The following KSR2 variants were observed in gnomAD, a reference collection of about 807,000 sequenced individuals.
KSR2 encodes the protein kinase suppressor of ras 2.
A neutral mutation model predicts 107.8 loss-of-function variants in KSR2; 25 were observed. The observed-to-expected ratio is 0.23, with a 90% CI of 0.17 to 0.32. The LOEUF is 0.32. Ranked by LOEUF, KSR2 falls within the 10% of genes least tolerant of loss-of-function variation. The pLI, the probability that KSR2 is intolerant of heterozygous loss-of-function variation, is 1.00. For synonymous variants in KSR2, 480 were observed against 507.0 expected (o/e 0.95, Z 0.71); for missense variants, 887 against 1,268.9 (o/e 0.70, Z 4.57).
intron 4 of KSR2, among the ~76,000 whole-genome samples, chr12:117,743,599 C>T (rs929043351): frequency 6.6e-6 from 1 of 152,206 alleles, no homozygotes; most frequent in African/African-American, 2.4e-5. Context: ...ACTATAACTG[C>T]TATAATGATC....
chr12:117,805,606 A>C (rs7301240), intron 3 of KSR2, among the ~76,000 whole-genome samples: 73,261 of 152,126 alleles, frequency 0.48, 18,000 homozygotes, highest in Admixed American at 0.57. Context: ...TTGCACCGTG[A>C]GGATTTGCTC....
chr12:117,868,903 A>G (rs1272878729), intron 1 of KSR2, among the ~76,000 whole-genome samples: 1 of 151,874 alleles, frequency 6.6e-6, no homozygotes, highest in African/African-American at 2.4e-5. Flanking sequence ...GGTGCGTGCC[A>G]CCACACTCAA....
intron 1 of KSR2, among the ~76,000 whole-genome samples, chr12:117,910,892 C>T (rs1402686976): frequency 1.3e-5 from 2 of 152,108 alleles, no homozygotes; most frequent in African/African-American, 2.4e-5. Flanking sequence ...TCACAAAGAC[C>T]ACAGTTCGGT....
At chr12:117,533,986 C>T (rs138341102) in intron 10 of KSR2, among the ~76,000 whole-genome samples, 5 of 152,256 alleles carry the variant, frequency 3.3e-5, no homozygotes, top group Non-Finnish European at 5.9e-5. Context: ...TGATGACAGA[C>T]ACCATCAAGA....
chr12:117,587,463 C>T (rs926739613), intron 5 of KSR2, among the ~76,000 whole-genome samples: 1 of 152,000 alleles, frequency 6.6e-6, no homozygotes, highest in Non-Finnish European at 1.5e-5. Flanking sequence ...ATGGATTCTC[C>T]CCTAGAGCTT....
In KSR2 at chr12:117,485,807, CT is replaced by C. The variant is rs1872430972; in HGVS notation, c.2220-117del. On this transcript the variant is annotated intron_variant, in intron 14 of 19. Transcript: ENST00000339824. ...GACACGTGGACATGCCACTATTGTG[CT>C]TATGAGATAATAAGTCTGGGACTGG... The C allele has an allele frequency of 5.8e-6, 4 of 691,962 alleles. No homozygotes were observed. The East Asian group carries it at 1.1e-4, about 19-fold the overall frequency. 42.9% of individuals were successfully genotyped at this position (691,962 alleles called of 1,614,324 possible). A position where few individuals can be genotyped will look rare whatever the true frequency, so the allele number is the denominator to read the frequency against.
intron 4 of KSR2, among the ~76,000 whole-genome samples, chr12:117,706,287 G>T (rs1010817963): frequency 1.3e-5 from 2 of 151,670 alleles, no homozygotes; most frequent in Non-Finnish European, 2.9e-5. Context: ...CAGGTGATCC[G>T]CCTGCCTCGG....
At chr12:117,501,567 C>T (rs757980810) in intron 14 of KSR2, among the ~76,000 whole-genome samples, 20 of 152,218 alleles carry the variant, frequency 1.3e-4, no homozygotes, top group Non-Finnish European at 2.6e-4. Flanking sequence ...TGTGGGGATA[C>T]TGAGTCTGGT....
chr12:117,536,637 GC>G (rs1447388135), intron 10 of KSR2, among the ~76,000 whole-genome samples: 2 of 152,130 alleles, frequency 1.3e-5, no homozygotes, highest in Non-Finnish European at 2.9e-5. Context: ...TGATGACTTT[GC>G]AAATCACTTA....
intron 5 of KSR2, among the ~76,000 whole-genome samples, chr12:117,584,597 A>C (rs1050055516): frequency 1.1e-4 from 17 of 152,192 alleles, no homozygotes; most frequent in African/African-American, 1.7e-4. Context: ...GAAGAATAAG[A>C]TTGTACCAAC....
At chr12:117,475,451 G>T (rs1111578) in intron 17 of KSR2, among the ~76,000 whole-genome samples, 29,085 of 151,898 alleles carry the variant, frequency 0.19, 3,019 homozygotes, top group African/African-American at 0.26. Context: ...TTTTTGCACA[G>T]TCTTTTGATC....
chr12:117,854,887 A>T lies in KSR2; in HGVS notation c.472+541T>A, dbSNP rs564892020. On this transcript the variant is annotated intron_variant, in intron 3 of 19. Transcript: ENST00000339824. Reference sequence around the variant, plus strand: ...ATTTTATTAGGTGAAAAAAAAAAAAATTTAAGCAATATGTGTGGATAATTC... The same window carrying T: ...ATTTTATTAGGTGAAAAAAAAAAAATTTTAAGCAATATGTGTGGATAATTC... Among the ~76,000 whole-genome samples, 113 of 151,138 alleles carry T rather than the reference A, an allele frequency of 7.5e-4. 1 individual carries two copies. The Middle Eastern group carries it at 0.01, about 14-fold the overall frequency.
intron 5 of KSR2, among the ~76,000 whole-genome samples, chr12:117,609,270 G>A (rs1477352551): frequency 2.6e-5 from 4 of 152,232 alleles, no homozygotes; most frequent in East Asian, 1.9e-4. Context: ...GGATAACAAC[G>A]TTCCACAGGG....
intron 7 of KSR2, among the ~76,000 whole-genome samples, chr12:117,571,603 G>A (rs1312184744): frequency 6.6e-6 from 1 of 152,116 alleles, no homozygotes; most frequent in Non-Finnish European, 1.5e-5. Flanking sequence ...ACACAAGATG[G>A]AAGTGGGTGA....
intron 3 of KSR2, among the ~76,000 whole-genome samples, chr12:117,849,564 G>T (rs1892840468): frequency 6.6e-6 from 1 of 152,182 alleles, no homozygotes. Context: ...GCTATGAGAA[G>T]AGAAAAATGA....
intron 17 of KSR2, among the ~76,000 whole-genome samples, chr12:117,473,463 T>C (rs1259533989): frequency 6.6e-6 from 1 of 152,136 alleles, no homozygotes; most frequent in Non-Finnish European, 1.5e-5. Context: ...AACTCCAAGA[T>C]GGTGCCACTG....
chr12:117,773,210 TATTA>T (rs1207120295), intron 3 of KSR2, among the ~76,000 whole-genome samples: 2 of 152,184 alleles, frequency 1.3e-5, no homozygotes, highest in African/African-American at 4.8e-5. Context: ...CTCTGGGGGT[TATTA>T]ATTGTCACCC....
intron 14 of KSR2, among the ~76,000 whole-genome samples, chr12:117,518,830 G>C (rs1874556075): frequency 6.6e-6 from 1 of 152,118 alleles, no homozygotes; most frequent in Non-Finnish European, 1.5e-5. Context: ...TCTTGGCATG[G>C]CCAATGCCTC....
At chr12:117,682,057 G>A (rs540279701) in intron 4 of KSR2, among the ~76,000 whole-genome samples, 1 of 152,142 alleles carries the variant, frequency 6.6e-6, no homozygotes, top group Non-Finnish European at 1.5e-5. Flanking sequence ...AGAAAATGTG[G>A]TACATATACA....
Sources: gnomAD v4.1 joint callset for allele counts (sites outside exome capture counted in the v4.1 genomes callset) on GRCh38, gnomAD v4.1.1 for gene constraint, MANE v1.5 for transcripts, NCBI Gene and HGNC (gene_info 2026-07-23, HGNC 2026-07-21) for gene names.